The following GPC6 variants were observed in gnomAD, a reference collection of about 807,000 sequenced individuals.
The protein encoded by GPC6 is glypican-6.
In GPC6, 14 loss-of-function variants were observed where a neutral mutation model predicts 55.2. That is an observed-to-expected ratio of 0.25 (90% CI 0.17 to 0.40). The LOEUF is 0.40. GPC6 is among the 10% of genes least tolerant of loss of function. The probability of loss-of-function intolerance (pLI) is 1.00; values close to 1 mark genes in which losing one functional copy is unlikely to be tolerated. For missense variants in GPC6, 641 were observed against 708.5 expected (o/e 0.90, Z 1.08); for synonymous variants, 278 against 259.6 (o/e 1.07, Z -0.68).
intron 4 of GPC6, among the ~76,000 whole-genome samples, chr13:94,195,914 C>A (rs1889560406): frequency 6.6e-6 from 1 of 152,192 alleles, no homozygotes; most frequent in African/African-American, 2.4e-5. Flanking sequence ...GAAGACTCAG[C>A]AGGAATAAGT....
chr13:93,250,067 C>T (rs1206994928), intron 1 of GPC6, among the ~76,000 whole-genome samples: 1 of 152,138 alleles, frequency 6.6e-6, no homozygotes, highest in African/African-American at 2.4e-5. Context: ...GGCTTTGACT[C>T]CTGGCTCCTC....
In GPC6 at chr13:94,161,348, C is replaced by G. The variant is rs182222371; in HGVS notation, c.878-125001C>G. On this transcript the variant is annotated intron_variant, in intron 4 of 8. Transcript: ENST00000377047. ...TTTAGGCTTTCAGTTTATTTCTGAT[C>G]TTTGTGTTTTCAATCACTGACAGAG... 3.5e-4 allele frequency among the ~76,000 whole-genome samples: 54 copies of G among 152,222 alleles called. No individual in the cohort carries two copies. In the East Asian group the frequency reaches 9.8e-3, roughly 28 times the overall value.
At chr13:93,630,205 G>T (rs1879372330) in intron 2 of GPC6, among the ~76,000 whole-genome samples, 1 of 152,116 alleles carries the variant, frequency 6.6e-6, no homozygotes, top group Non-Finnish European at 1.5e-5. Context: ...TTAGTATTAG[G>T]CATATCTTCT....
intron 6 of GPC6, among the ~76,000 whole-genome samples, chr13:94,341,391 C>G (rs1878026288): frequency 6.6e-6 from 1 of 152,186 alleles, no homozygotes; most frequent in East Asian, 1.9e-4. Context: ...TTGAGACCAG[C>G]CTGGCCAACA....
In GPC6 at chr13:93,418,895, G is replaced by A. The variant is rs572374172; in HGVS notation, c.161-126368G>A. 1.9e-3 allele frequency among the ~76,000 whole-genome samples: 280 copies of A among 150,070 alleles called. 1 individual carries two copies. Among genetic ancestry groups the A allele is most frequent in the African/African-American group, 6.5e-3 (264 of 40,748 alleles). ...ATACCATAGTATTATTTTATTAATG[G>A]CACGATACCATAGTATTATTTTATT... is the stretch of plus-strand genomic sequence containing the variant. On this transcript the variant is annotated intron_variant, in intron 1 of 8. Coordinates refer to ENST00000377047, the MANE Select transcript of GPC6 (RefSeq NM_005708.5).
At chr13:93,796,781 T>C in intron 2 of GPC6, among the ~76,000 whole-genome samples, 1 of 152,196 alleles carries the variant, frequency 6.6e-6, no homozygotes, top group East Asian at 1.9e-4. Context: ...CAACACGTAT[T>C]GGATTCTATG....
intron 4 of GPC6, among the ~76,000 whole-genome samples, chr13:94,222,662 C>T (rs531183634): frequency 5.3e-5 from 8 of 152,172 alleles, no homozygotes; most frequent in South Asian, 4.2e-4. Context: ...GCCTGGATCT[C>T]CTTATTCAAT....
rs755185604 is a variant in GPC6 at position 93,789,598 on chromosome 13, CATATATATAT to C, written c.320-40518_320-40509del. 5.6e-3 allele frequency among the ~76,000 whole-genome samples: 376 copies of C among 67,580 alleles called. 1 individual carries two copies. The highest frequency in any genetic ancestry group is 7.8e-3 in the Non-Finnish European group (274 of 34,916). The allele number at this position is 67,580 out of a possible 152,430, so 44.3% of individuals were successfully genotyped here. A position where few individuals can be genotyped will look rare whatever the true frequency, so the allele number is the denominator to read the frequency against. On this transcript the variant is annotated intron_variant, in intron 2 of 8. Transcript: ENST00000377047. ...TAAATACTATATATATATAATACTA[CATATATATAT>C]ATATATATATATATATATATATATA...
At chr13:93,761,828 T>G (rs987555808) in intron 2 of GPC6, among the ~76,000 whole-genome samples, 1 of 152,198 alleles carries the variant, frequency 6.6e-6, no homozygotes, top group Admixed American at 6.5e-5. Context: ...ATAAGCATAA[T>G]TAACACATTA....
intron 6 of GPC6, among the ~76,000 whole-genome samples, chr13:94,337,727 C>T (rs1383625702): frequency 6.6e-6 from 1 of 152,094 alleles, no homozygotes; most frequent in Non-Finnish European, 1.5e-5. Context: ...GGATTACAGG[C>T]GTAATTCATG....
chr13:93,562,403 A>G (rs1875860261), intron 2 of GPC6, among the ~76,000 whole-genome samples: 1 of 152,152 alleles, frequency 6.6e-6, no homozygotes, highest in Non-Finnish European at 1.5e-5. Context: ...TTGAAACAGG[A>G]TACTATCATG....
chr13:93,570,263 A>G (rs764418387), intron 2 of GPC6, among the ~76,000 whole-genome samples: 5 of 152,174 alleles, frequency 3.3e-5, no homozygotes, highest in Non-Finnish European at 7.4e-5. Context: ...TATTGACCCA[A>G]GGTTAAATGT....
intron 4 of GPC6, among the ~76,000 whole-genome samples, chr13:94,095,485 T>G (rs1885626440): frequency 6.6e-6 from 1 of 152,198 alleles, no homozygotes; most frequent in Admixed American, 6.5e-5. Context: ...CATTTCCACA[T>G]GTAATCAATA....
chr13:93,817,884 AGAT>A (rs1428298691), intron 2 of GPC6, among the ~76,000 whole-genome samples: 4 of 149,984 alleles, frequency 2.7e-5, no homozygotes, highest in Non-Finnish European at 5.9e-5. Context: ...ATAGATAGAT[AGAT>A]AGATAGATAT....
chr13:93,418,969 TATC>T (rs147076498), intron 1 of GPC6, among the ~76,000 whole-genome samples: 2,453 of 151,142 alleles, frequency 0.016, 84 homozygotes, highest in African/African-American at 0.056. Context: ...TATACTGTAG[TATC>T]ATTTTATTAA....
intron 3 of GPC6, among the ~76,000 whole-genome samples, chr13:93,842,941 ATAAT>A (rs1410744354): frequency 6.6e-6 from 1 of 152,148 alleles, no homozygotes; most frequent in Non-Finnish European, 1.5e-5. Flanking sequence ...ATACCCAGAG[ATAAT>A]TAAATGTCAA....
chr13:94,264,723 C>T (rs1431364941), intron 4 of GPC6, among the ~76,000 whole-genome samples: 1 of 152,202 alleles, frequency 6.6e-6, no homozygotes, highest in East Asian at 1.9e-4. Flanking sequence ...CATTACATGA[C>T]AACTCATGTG....
In GPC6 at chr13:94,268,667, G is replaced by C. The variant is rs1310483142; in HGVS notation, c.878-17682G>C. ...TTTCTATTTCATTCCTAAGTGAGGA[G>C]GCATTTTCTCCATCTTTTCGTCTGA... On this transcript the variant is annotated intron_variant, in intron 4 of 8. Coordinates refer to ENST00000377047, the MANE Select transcript of GPC6 (RefSeq NM_005708.5). Among the ~76,000 whole-genome samples, 3 of 152,168 alleles carry C rather than the reference G, an allele frequency of 2.0e-5. No individual in the cohort carries two copies. In the East Asian group the frequency reaches 5.8e-4, roughly 29 times the overall value.
chr13:93,406,794 C>T (rs1003973175), intron 1 of GPC6, among the ~76,000 whole-genome samples: 1 of 152,098 alleles, frequency 6.6e-6, no homozygotes, highest in African/African-American at 2.4e-5. Flanking sequence ...CAAATCTACT[C>T]ATTAAGGAAC....
Sources: gnomAD v4.1 joint callset for allele counts (sites outside exome capture counted in the v4.1 genomes callset) on GRCh38, gnomAD v4.1.1 for gene constraint, MANE v1.5 for transcripts, NCBI Gene and HGNC (gene_info 2026-07-23, HGNC 2026-07-21) for gene names.